Variants in AFF4 observed in about 807,000 individuals in gnomAD.
The protein encoded by AFF4 is ALF transcription elongation factor 4, also known as AF4/FMR2 family member 4.
AFF4 carries 13 observed loss-of-function variants against 124.8 expected under a neutral mutation model. That is an observed-to-expected ratio of 0.10 (90% confidence interval 0.07 to 0.17). The LOEUF (loss-of-function observed/expected upper bound fraction) is 0.17. AFF4 is among the 10% of genes least tolerant of loss of function. The probability of loss-of-function intolerance (pLI) is 1.00; values close to 1 mark genes in which losing one functional copy is unlikely to be tolerated. For missense variants in AFF4, 1,092 were observed against 1,403.8 expected, an observed-to-expected ratio of 0.78 and a Z score of 3.55; for synonymous variants, 477 against 496.1, an observed-to-expected ratio of 0.96 and a Z score of 0.51.
At chr5:132,903,139 A>G (rs947509170) in intron 6 of AFF4, among the ~76,000 whole-genome samples, 2 of 152,046 alleles carry the variant, frequency 1.3e-5, no homozygotes, top group African/African-American at 4.8e-5. Context: ...ACAAGCTGAG[A>G]AAAAAAAGGA....
chr5:132,892,927 T>G (rs1483909203), intron 12 of AFF4, 103 bp downstream of exon 12: 1 of 1,098,350 alleles, frequency 9.1e-7, no homozygotes, highest in Non-Finnish European at 1.4e-6. Flanking sequence ...TATATAACAC[T>G]TGCTTACTAA....
Position 132,877,188 on chromosome 5 carries a change from C to A in AFF4, c.*3871G>T. On this transcript the variant is annotated 3_prime_UTR_variant, in exon 21 of 21. Coordinates refer to ENST00000265343, the MANE Select transcript of AFF4 (RefSeq NM_014423.4). The stretch of plus-strand genomic sequence containing the variant: ...TAACAGTCATCCCCAGTAGATGTTC[C>A]TGGGACCCAGACACAAACTCCTATA... The A allele has an allele frequency of 4.8e-6, 1 of 208,292 alleles. No homozygotes were observed. The highest frequency in any genetic ancestry group is 9.8e-6 in the Non-Finnish European group (1 of 102,154). The allele number at this position is 208,292 out of a possible 1,614,324, so 12.9% of individuals were successfully genotyped here.
chr5:132,935,840 T>C (rs533796839), intron 2 of AFF4, among the ~76,000 whole-genome samples: 90 of 150,554 alleles, frequency 6.0e-4, no homozygotes, highest in African/African-American at 2.2e-3. Flanking sequence ...GGAGAATCAC[T>C]TGAACCCAGA....
chr5:132,945,791 T>G (rs1287769825), intron 1 of AFF4, among the ~76,000 whole-genome samples: 2 of 151,426 alleles, frequency 1.3e-5, no homozygotes, highest in Non-Finnish European at 1.5e-5. Flanking sequence ...CCGGGCACGG[T>G]GGCTCGCGCC....
chr5:132,887,691 A>T (rs1760149704), intron 16 of AFF4, 99 bp from the exon 17 acceptor site: 2 of 1,514,296 alleles, frequency 1.3e-6, no homozygotes, highest in Non-Finnish European at 1.8e-6. Flanking sequence ...AAACCTAAAT[A>T]AAAGCAAAAA....
At chr5:132,952,437 C>A (rs187243248) in intron 1 of AFF4, among the ~76,000 whole-genome samples, 1 of 152,210 alleles carries the variant, frequency 6.6e-6, no homozygotes, top group African/African-American at 2.4e-5. Flanking sequence ...CCTTGATATA[C>A]TCTTTGGCTT....
chr5:132,952,500 T>A (rs1310535283), intron 1 of AFF4, among the ~76,000 whole-genome samples: 1 of 152,248 alleles, frequency 6.6e-6, no homozygotes, highest in Non-Finnish European at 1.5e-5. Context: ...CTTCCCATCC[T>A]ACCTACCAGA....
intron 1 of AFF4, among the ~76,000 whole-genome samples, chr5:132,953,431 G>A (rs760482346): frequency 2.0e-5 from 3 of 151,426 alleles, no homozygotes; most frequent in Non-Finnish European, 4.4e-5. Context: ...TCAATTTTTT[G>A]TAGAGACAAG....
chr5:132,946,101 A>G (rs1374978595), intron 1 of AFF4, among the ~76,000 whole-genome samples: 4 of 85,186 alleles, frequency 4.7e-5, no homozygotes, highest in Admixed American at 1.0e-4. Context: ...TTAGTGAAAG[A>G]AAAAAACCCA....
Position 132,881,342 on chromosome 5 carries a change from CAT to C in AFF4, c.3365-158_3365-157del, listed in dbSNP as rs574496453. Among the ~76,000 whole-genome samples, 276 of 152,294 alleles carry C rather than the reference CAT, an allele frequency of 1.8e-3. 1 individual carries two copies. Among genetic ancestry groups the C allele is most frequent in the African/African-American group, 6.3e-3 (262 of 41,570 alleles). ...GTCCATGTTTTAGAGCAAATCATTCCATAGTCTCTCAAGTTACATTTGTTCCC... is the reference window on the plus strand; with the variant it reads ...GTCCATGTTTTAGAGCAAATCATTCCAGTCTCTCAAGTTACATTTGTTCCC... On this transcript the variant is annotated intron_variant, in intron 20 of 20. Transcript: ENST00000265343.
intron 10 of AFF4, among the ~76,000 whole-genome samples, chr5:132,897,511 A>G (rs1361722983): frequency 6.6e-6 from 1 of 152,148 alleles, no homozygotes; most frequent in Admixed American, 6.5e-5. Context: ...GGAGTTTGAG[A>G]CCAGTCTGAC....
intron 3 of AFF4, among the ~76,000 whole-genome samples, chr5:132,932,647 G>A (rs1761327676): frequency 6.6e-6 from 1 of 152,168 alleles, no homozygotes; most frequent in South Asian, 2.1e-4. Flanking sequence ...GTACCTTAGC[G>A]ATGACCTTGA....
chr5:132,916,895 A>G (rs1181035681), intron 5 of AFF4, among the ~76,000 whole-genome samples: 1 of 152,154 alleles, frequency 6.6e-6, no homozygotes. Flanking sequence ...TTGATTTAAC[A>G]TTTAAAATTT....
Position 132,880,206 on chromosome 5 carries a change from T to C in AFF4, c.*853A>G. 1 of 398,966 alleles carries C rather than the reference T, an allele frequency of 2.5e-6. No homozygotes were observed. Among genetic ancestry groups the C allele is most frequent in the Non-Finnish European group, 4.4e-6 (1 of 226,018 alleles). The allele number at this position is 398,966 out of a possible 1,614,324, so 24.7% of individuals were successfully genotyped here. On this transcript the variant is annotated 3_prime_UTR_variant, in exon 21 of 21. Coordinates refer to ENST00000265343, the MANE Select transcript of AFF4 (RefSeq NM_014423.4). ...AAATGATTAGCAACAAAAAATAACATATGGTTTTAATAAAATCCGTAACGT... is the reference window on the plus strand; with the variant it reads ...AAATGATTAGCAACAAAAAATAACACATGGTTTTAATAAAATCCGTAACGT...
At chr5:132,892,127 A>T (rs1478346733) in intron 13 of AFF4, 37 bp downstream of exon 13, 1 of 1,614,014 alleles carries the variant, frequency 6.2e-7, no homozygotes, top group South Asian at 1.1e-5. Flanking sequence ...TGGCAAGTTG[A>T]ATGATTTTCA....
intron 1 of AFF4, among the ~76,000 whole-genome samples, chr5:132,961,894 T>C (rs978588930): frequency 2.0e-5 from 3 of 152,234 alleles, no homozygotes; most frequent in African/African-American, 7.2e-5. Flanking sequence ...TCCAGGTTTT[T>C]AGTAAGTTAA....
intron 5 of AFF4, among the ~76,000 whole-genome samples, chr5:132,922,316 G>A (rs1393054918): frequency 6.6e-6 from 1 of 152,180 alleles, no homozygotes; most frequent in East Asian, 1.9e-4. Flanking sequence ...CTACTTGGGA[G>A]GCTGAGGTGA....
intron 13 of AFF4, among the ~76,000 whole-genome samples, chr5:132,890,918 T>G (rs1023735001): frequency 6.6e-6 from 1 of 152,088 alleles, no homozygotes; most frequent in Non-Finnish European, 1.5e-5. Context: ...TTACGTGTGA[T>G]AGAAGCATAC....
chr5:132,896,767 A>C lies in AFF4; in HGVS notation c.1863T>G (p.Pro621=). 6.2e-7 allele frequency: 1 copy of C among 1,614,128 alleles called. No individual in the cohort carries two copies. The highest frequency in any genetic ancestry group is 8.5e-7 in the Non-Finnish European group (1 of 1,180,026). The change falls in exon 11 of 21, where the codon CCT becomes CCG. Residue 621 remains proline (P), a synonymous_variant. Coordinates refer to ENST00000265343, the MANE Select transcript of AFF4 (RefSeq NM_014423.4). ...ATTTCTTTTTCTCTGCTGTAGGTCG[A>C]GGGGAAGACTTAGACTCCTTCTTTA... ...PNIKKESKSS[P]RPTAEKKKYK... is the part of the protein sequence containing the mutation.
Sources: gnomAD v4.1 joint callset for allele counts (sites outside exome capture counted in the v4.1 genomes callset) on GRCh38, gnomAD v4.1.1 for gene constraint, MANE v1.5 for transcripts, NCBI Gene and HGNC (gene_info 2026-07-23, HGNC 2026-07-21) for gene names.